ANKRD28: variants seen among roughly 807,000 people sequenced by gnomAD.
ANKRD28 encodes ankyrin repeat domain 28.
Under a neutral mutation model 126.5 loss-of-function variants are expected in ANKRD28, and 44 were observed. The observed-to-expected ratio is 0.35, with a 90% CI of 0.27 to 0.45. The LOEUF (loss-of-function observed/expected upper bound fraction) is 0.45, where lower values mean the gene tolerates loss of function less well. ANKRD28 is among the 20% of genes least tolerant of loss of function. The pLI, the probability that ANKRD28 is intolerant of heterozygous loss-of-function variation, is 1.00. For missense variants in ANKRD28, 1,110 were observed against 1,316.6 expected (o/e 0.84, Z 2.43); for synonymous variants, 442 against 468.5 (o/e 0.94, Z 0.73).
At chr3:15,723,153 T>G (rs1346054192) in intron 7 of ANKRD28, among the ~76,000 whole-genome samples, 3 of 152,332 alleles carry the variant, frequency 2.0e-5, no homozygotes, top group East Asian at 3.9e-4. Context: ...TTTAAGATAT[T>G]ATTTCACTCT....
At chr3:15,740,999 G>C (rs2075415950) in intron 4 of ANKRD28, among the ~76,000 whole-genome samples, 1 of 152,280 alleles carries the variant, frequency 6.6e-6, no homozygotes, top group Non-Finnish European at 1.5e-5. Flanking sequence ...AGGAGATCAA[G>C]ACCATCCTGG....
rs559789374 is a variant in ANKRD28 at position 15,736,121 on chromosome 3, T to C, written c.553-624A>G. On this transcript the variant is annotated intron_variant, in intron 5 of 27. Coordinates refer to ENST00000683139, the MANE Select transcript of ANKRD28 (RefSeq NM_001349278.2). ...TCCCCTTATCTGCAGTTCCACTTTCTGCATTCAATTACCTGCTGTCAACCA... is the reference window on the plus strand; with the variant it reads ...TCCCCTTATCTGCAGTTCCACTTTCCGCATTCAATTACCTGCTGTCAACCA... 3.9e-5 allele frequency among the ~76,000 whole-genome samples: 6 copies of C among 152,340 alleles called. 1 individual carries two copies. The highest frequency in any genetic ancestry group is 6.8e-3 in the Middle Eastern group (2 of 294).
chr3:15,858,121 G>A (rs894265605), intron 1 of ANKRD28, among the ~76,000 whole-genome samples: 1 of 152,176 alleles, frequency 6.6e-6, no homozygotes, highest in Non-Finnish European at 1.5e-5. Context: ...ATAGCCAATA[G>A]CTACATATGT....
intron 3 of ANKRD28, among the ~76,000 whole-genome samples, chr3:15,760,427 A>G (rs1316168611): frequency 6.6e-6 from 1 of 152,158 alleles, no homozygotes; most frequent in Admixed American, 6.5e-5. Flanking sequence ...GAAGAAACAA[A>G]CCTAACAGAT....
At chr3:15,737,367 C>T (rs2075088740) in intron 4 of ANKRD28, 134 bp from the exon 5 acceptor site, 1 of 757,364 alleles carries the variant, frequency 1.3e-6, no homozygotes, top group African/African-American at 1.8e-5. Context: ...ATAGAACTCA[C>T]TATAAACAAG....
rs865893479 is a variant in ANKRD28, at chr3:15,820,792, A to G, written c.28-25486T>C. On this transcript the variant is annotated intron_variant, in intron 1 of 27. Coordinates refer to the ANKRD28 transcript ENST00000399451. The stretch of plus-strand genomic sequence containing the variant: ...AATTCAATTATATGATGATATCACA[A>G]AAAAAGAAAATAATGCAATTTTAGA... Among the ~76,000 whole-genome samples, 4 of 152,308 alleles carry G rather than the reference A, an allele frequency of 2.6e-5. No homozygotes were observed. The South Asian group carries it at 6.2e-4, about 24-fold the overall frequency.
At chr3:15,723,153 T>C (rs1346054192) in intron 7 of ANKRD28, among the ~76,000 whole-genome samples, 1 of 152,214 alleles carries the variant, frequency 6.6e-6, no homozygotes, top group African/African-American at 2.4e-5. Context: ...TTTAAGATAT[T>C]ATTTCACTCT....
intron 4 of ANKRD28, among the ~76,000 whole-genome samples, chr3:15,740,993 G>T (rs954393569): frequency 6.6e-6 from 1 of 152,144 alleles, no homozygotes; most frequent in Non-Finnish European, 1.5e-5. Flanking sequence ...GAGGTCAGGA[G>T]ATCAAGACCA....
intron 1 of ANKRD28, among the ~76,000 whole-genome samples, chr3:15,822,365 A>G (rs930151206): frequency 1.3e-5 from 2 of 152,192 alleles, no homozygotes; most frequent in African/African-American, 4.8e-5. Flanking sequence ...TTGCCAAGAG[A>G]ATGAACAGAG....
rs1238262898 is a variant in ANKRD28, at chr3:15,853,882, C to A, written c.27+5495G>T. On this transcript the variant is annotated intron_variant, in intron 1 of 27. Coordinates refer to the ANKRD28 transcript ENST00000399451. This position sits in a 1 kb window ranked among gnomAD's most constrained non-coding sequence, Gnocchi z 4.2. ...TCCAAGACACTCTCAATTGTAGATA[C>A]AAACAGGTCATTAATATAGCTATGA... Among the ~76,000 whole-genome samples the A allele has an allele frequency of 1.3e-5, 2 of 152,146 alleles. No homozygotes were observed. Among genetic ancestry groups the A allele is most frequent in the African/African-American group, 2.4e-5 (1 of 41,430 alleles).
At chr3:15,676,023 G>GTA in intron 26 of ANKRD28, 34 bp from the exon 27 acceptor site, 1 of 1,559,392 alleles carries the variant, frequency 6.4e-7, no homozygotes, top group Non-Finnish European at 8.8e-7. Flanking sequence ...GTACACATAT[G>GTA]TGCATGTGCA....
At chr3:15,733,400 G>A (rs926050392) in intron 6 of ANKRD28, 8 of 152,140 alleles carry the variant, frequency 5.3e-5, no homozygotes, top group African/African-American at 1.7e-4. Flanking sequence ...AAAAGGGAAC[G>A]AAAAATGACA....
At chr3:15,735,713 T>C (rs2074972210) in intron 5 of ANKRD28, among the ~76,000 whole-genome samples, 1 of 152,182 alleles carries the variant, frequency 6.6e-6, no homozygotes. Flanking sequence ...CAGGCATCAG[T>C]ACCTTTTTAG....
intron 27 of ANKRD28, among the ~76,000 whole-genome samples, chr3:15,674,563 T>A (rs1048975725): frequency 6.6e-6 from 1 of 152,178 alleles, no homozygotes; most frequent in African/African-American, 2.4e-5. Flanking sequence ...CGTGGATATA[T>A]AGAGACTGTG....
intron 1 of ANKRD28, among the ~76,000 whole-genome samples, chr3:15,806,549 T>C (rs1159027783): frequency 6.6e-6 from 1 of 151,054 alleles, no homozygotes; most frequent in Non-Finnish European, 1.5e-5. Context: ...TGAGACAGAG[T>C]CTCACTCTGT....
chr3:15,687,779 T>C, intron 18 of ANKRD28, among the ~76,000 whole-genome samples: 1 of 152,198 alleles, frequency 6.6e-6, no homozygotes, highest in East Asian at 1.9e-4. Flanking sequence ...TCGTAACACT[T>C]GGGGATGTTC....
chr3:15,723,843 C>A (rs2073967446), intron 7 of ANKRD28, among the ~76,000 whole-genome samples: 1 of 152,128 alleles, frequency 6.6e-6, no homozygotes. Flanking sequence ...TGAAAAGCTA[C>A]AGGTATTCTA....
At chr3:15,804,915 G>C (rs1490168707) in intron 1 of ANKRD28, among the ~76,000 whole-genome samples, 1 of 145,148 alleles carries the variant, frequency 6.9e-6, no homozygotes, top group Non-Finnish European at 1.5e-5. Context: ...AAGGAAGGAA[G>C]GTTTTTATAG....
rs956009013 is a variant in ANKRD28, at chr3:15,833,733, G to A, written c.27+25644C>T. 6.6e-6 allele frequency among the ~76,000 whole-genome samples: 1 copy of A among 151,776 alleles called. No homozygotes were observed. Among genetic ancestry groups the A allele is most frequent in the Non-Finnish European group, 1.5e-5 (1 of 67,944 alleles). ...AGCTGCAATTATGAGTGAAAAATCA[G>A]AACTTGGCAATGACCTTGAGCAGTA... On this transcript the variant is annotated intron_variant, in intron 1 of 27. Transcript: ENST00000399451. This position sits in a 1 kb window ranked among gnomAD's most constrained non-coding sequence, Gnocchi z 4.4.
Sources: allele counts gnomAD v4.1 joint callset (sites outside exome capture counted in the v4.1 genomes callset), GRCh38; gene constraint gnomAD v4.1.1; non-coding constraint Gnocchi (gnomAD v3.1); transcripts MANE v1.5; gene names NCBI Gene and HGNC (gene_info 2026-07-23, HGNC 2026-07-21).